The following TMPRSS7 variants were observed in gnomAD, a reference collection of about 807,000 sequenced individuals.
TMPRSS7 encodes the protein transmembrane serine protease 7.
TMPRSS7 carries 81 observed loss-of-function variants against 95.6 expected under a neutral mutation model. That is an observed-to-expected ratio of 0.85 (90% confidence interval 0.71 to 1.02). The LOEUF (loss-of-function observed/expected upper bound fraction) is 1.02, where lower values mean the gene tolerates loss of function less well. Ranked by LOEUF, TMPRSS7 falls within the 50% of genes least tolerant of loss-of-function variation. The pLI is 0.00. For missense variants in TMPRSS7, 945 were observed against 955.2 expected (o/e 0.99, Z 0.14); for synonymous variants, 364 against 337.8 (o/e 1.08, Z -0.85).
chr3:112,043,214 T>C (rs1300544515), intron 3 of TMPRSS7: 13 of 421,828 alleles, frequency 3.1e-5, no homozygotes, highest in Non-Finnish European at 6.3e-5. Context: ...TATAGCCTAC[T>C]GCTCCTAAGC....
intron 7 of TMPRSS7, 70 bp from the exon 8 acceptor site, chr3:112,049,774 G>C: frequency 7.6e-7 from 1 of 1,322,370 alleles, no homozygotes; most frequent in Non-Finnish European, 1.0e-6. Flanking sequence ...GTGTGGAATC[G>C]TTTTGAATGG....
At chr3:112,080,786 C>A in intron 17 of TMPRSS7, 128 bp from the exon 18 acceptor site, 5 of 811,022 alleles carry the variant, frequency 6.2e-6, no homozygotes, top group South Asian at 3.0e-5. Flanking sequence ...TCCCAAATTA[C>A]AGAGTGATTA....
chr3:112,050,457 A>G (rs868553672), intron 8 of TMPRSS7, among the ~76,000 whole-genome samples: 1 of 149,944 alleles, frequency 6.7e-6, no homozygotes, highest in Admixed American at 6.7e-5. Context: ...TGATGTGAAA[A>G]CAAATATAGA....
intron 1 of TMPRSS7, among the ~76,000 whole-genome samples, chr3:112,036,754 G>A (rs1041613634): frequency 6.6e-6 from 1 of 152,188 alleles, no homozygotes; most frequent in Admixed American, 6.5e-5. Context: ...ACTGTTGCGG[G>A]AAGTCAGCGA....
intron 9 of TMPRSS7, among the ~76,000 whole-genome samples, chr3:112,055,283 G>C (rs1349619988): frequency 6.6e-6 from 1 of 152,134 alleles, no homozygotes; most frequent in Non-Finnish European, 1.5e-5. Flanking sequence ...ATCTTGGTTA[G>C]TCTTGGTTTT....
intron 13 of TMPRSS7, among the ~76,000 whole-genome samples, chr3:112,071,278 T>G (rs9755719): frequency 6.6e-6 from 1 of 152,178 alleles, no homozygotes; most frequent in African/African-American, 2.4e-5. Flanking sequence ...TTGGCCCCCA[T>G]TCTTTTCTGG....
At chr3:112,053,157 T>TC (rs2073383619) in intron 9 of TMPRSS7, among the ~76,000 whole-genome samples, 2 of 142,880 alleles carry the variant, frequency 1.4e-5, no homozygotes, top group Non-Finnish European at 3.0e-5. Flanking sequence ...ACTTTTTTTT[T>TC]CACCTGTAAA....
At chr3:112,057,067 T>C (rs899372964) in exon 10 of TMPRSS7, 2 of 1,613,418 alleles carry the variant, frequency 1.2e-6, no homozygotes, top group Non-Finnish European at 1.7e-6. Context: ...ATTCTATAAC[T>C]ATTCAATAAC....
chr3:112,055,990 G>A (rs563033143), intron 9 of TMPRSS7, among the ~76,000 whole-genome samples: 118 of 152,164 alleles, frequency 7.8e-4, no homozygotes, highest in Non-Finnish European at 1.5e-3. Flanking sequence ...CCAGGAGTTC[G>A]AGACCAGCCT....
intron 13 of TMPRSS7, among the ~76,000 whole-genome samples, chr3:112,072,760 C>T (rs192048345): frequency 9.2e-5 from 14 of 152,362 alleles, no homozygotes; most frequent in Admixed American, 7.8e-4. Flanking sequence ...GCTCTGTGGA[C>T]GTGGGACCTG....
intron 17 of TMPRSS7, among the ~76,000 whole-genome samples, 200 bp from the exon 18 acceptor site, chr3:112,080,714 C>A (rs2073769063): frequency 6.6e-6 from 1 of 152,114 alleles, no homozygotes; most frequent in Admixed American, 6.5e-5. Flanking sequence ...ATGAATGCAG[C>A]TGTTTGATTA....
chr3:112,045,151 T>C (rs1255342963), intron 4 of TMPRSS7, among the ~76,000 whole-genome samples: 1 of 152,030 alleles, frequency 6.6e-6, no homozygotes, highest in East Asian at 1.9e-4. Flanking sequence ...ATGGTTTTAA[T>C]TTTTTTTCTT....
exon 12 of TMPRSS7, chr3:112,063,544 T>C (rs2073539054): frequency 1.1e-5 from 18 of 1,614,084 alleles, no homozygotes; most frequent in Non-Finnish European, 1.4e-5. Context: ...TTGGATCTTT[T>C]AGATGCTCCT....
chr3:112,073,812 C>T (rs73856336), intron 13 of TMPRSS7, among the ~76,000 whole-genome samples: 4,559 of 152,276 alleles, frequency 0.03, 190 homozygotes, highest in African/African-American at 0.088. Flanking sequence ...TTGCCAAATA[C>T]TGGAATGGAA....
At chr3:112,068,593 A>G (rs1378519379) in intron 13 of TMPRSS7, among the ~76,000 whole-genome samples, 1 of 152,214 alleles carries the variant, frequency 6.6e-6, no homozygotes, top group Non-Finnish European at 1.5e-5. Flanking sequence ...GCAATTGTGA[A>G]TGGGAGTTCT....
chr3:112,052,579 G>A (rs995462545), intron 9 of TMPRSS7, among the ~76,000 whole-genome samples: 19 of 152,228 alleles, frequency 1.2e-4, no homozygotes, highest in Non-Finnish European at 2.5e-4. Context: ...CAGAAATGCA[G>A]GGCCTCAGAT....
chr3:112,062,838 A>C (rs760554146), intron 11 of TMPRSS7, among the ~76,000 whole-genome samples: 2 of 152,124 alleles, frequency 1.3e-5, no homozygotes, highest in African/African-American at 4.8e-5. Flanking sequence ...GGAAGGATTC[A>C]TTATTTCTCT....
In TMPRSS7 at chr3:112,076,871, A is replaced by C. The variant is rs770312507; in HGVS notation, c.1956-5A>C. On this transcript the variant is annotated splice_region_variant and splice_polypyrimidine_tract_variant and intron_variant, in intron 15 of 17. Transcript: ENST00000452346. ...TAACTTTATGTTTCATTACTGTTCT[A>C]TCAGGCTGTCAGATCCCACACCATG... 1.9e-6 allele frequency: 3 copies of C among 1,613,002 alleles called. No individual in the cohort carries two copies. In the South Asian group the frequency reaches 3.3e-5, roughly 18 times the overall value.
intron 13 of TMPRSS7, among the ~76,000 whole-genome samples, chr3:112,074,093 A>G (rs2073684735): frequency 6.6e-6 from 1 of 152,242 alleles, no homozygotes; most frequent in Non-Finnish European, 1.5e-5. Flanking sequence ...TATGCCTGCC[A>G]GCGTTCAAAT....
Sources: gnomAD v4.1 joint callset for allele counts (sites outside exome capture counted in the v4.1 genomes callset) on GRCh38, gnomAD v4.1.1 for gene constraint, MANE v1.5 for transcripts, NCBI Gene and HGNC (gene_info 2026-07-23, HGNC 2026-07-21) for gene names.